EIF4ENIF1: variants seen among roughly 807,000 people sequenced by gnomAD.
The protein encoded by EIF4ENIF1 is eukaryotic translation initiation factor 4E transporter.
A neutral mutation model predicts 110.5 loss-of-function variants in EIF4ENIF1; 23 were observed. The ratio of observed to expected loss-of-function variants is 0.21; its 90% CI spans 0.15 to 0.29. The LOEUF (loss-of-function observed/expected upper bound fraction) is 0.29. EIF4ENIF1 is among the 10% of genes least tolerant of loss of function. The pLI is 1.00. For missense variants in EIF4ENIF1, 1,031 were observed against 1,221.1 expected (o/e 0.84, Z 2.32); for synonymous variants, 440 against 437.0 (o/e 1.01, Z -0.09).
intron 2 of EIF4ENIF1, among the ~76,000 whole-genome samples, chr22:31,486,147 G>A (rs2052014320): frequency 6.6e-6 from 1 of 152,106 alleles, no homozygotes; most frequent in South Asian, 2.1e-4. Context: ...GCACATGCCT[G>A]TAATCCCAGC....
At chr22:31,488,800 C>T in intron 1 of EIF4ENIF1, 55 bp from the exon 2 acceptor site, 1 of 1,532,562 alleles carries the variant, frequency 6.5e-7, no homozygotes, top group South Asian at 1.3e-5. Context: ...TTTCAGAAAT[C>T]TTGGCTGTTT....
At chr22:31,446,074 A>C (rs1016358496) in intron 14 of EIF4ENIF1, among the ~76,000 whole-genome samples, 7 of 150,752 alleles carry the variant, frequency 4.6e-5, no homozygotes, top group African/African-American at 1.7e-4. Flanking sequence ...GAATCACTTG[A>C]GGCCAGGAAT....
At chr22:31,479,321 A>G (rs1047123774) in intron 2 of EIF4ENIF1, 2 of 152,058 alleles carry the variant, frequency 1.3e-5, no homozygotes, top group Non-Finnish European at 2.9e-5. Flanking sequence ...TCGGCCTCCC[A>G]AAGTGTTAGG....
chr22:31,478,387 C>T (rs1244792455), intron 2 of EIF4ENIF1, among the ~76,000 whole-genome samples: 1 of 151,844 alleles, frequency 6.6e-6, no homozygotes, highest in East Asian at 1.9e-4. Context: ...GTGGTGGACA[C>T]CTGAAATCCC....
chr22:31,488,615 A>G lies in EIF4ENIF1; in HGVS notation c.96+8T>C, dbSNP rs1569112920. The stretch of plus-strand genomic sequence containing the variant: ...AAGAAACACTATTTCATTAGTGGCA[A>G]ACCTTACTTTTGTATAGCGATGGGG... On this transcript the variant is annotated splice_region_variant and intron_variant, in intron 2 of 18. Coordinates refer to ENST00000330125, the MANE Select transcript of EIF4ENIF1 (RefSeq NM_019843.4). The G allele has an allele frequency of 1.2e-6, 2 of 1,614,188 alleles. No individual in the cohort carries two copies. Among genetic ancestry groups the G allele is most frequent in the Non-Finnish European group, 1.7e-6 (2 of 1,180,028 alleles).
In EIF4ENIF1 at chr22:31,448,169, C is replaced by T. The variant is rs139470865; in HGVS notation, c.1832G>A (p.Ser611Asn). ...CAGCCTGACCTGGGCTGTGATGGGG[C>T]TCATGGGTTTGCGCATGCCTTGGAA... is the stretch of plus-strand genomic sequence containing the variant. ...DPFQGMRKPM[S>N]PITAQMSQLE... The change falls in exon 13 of 19, where the codon AGC becomes AAC. Residue 611 changes from serine (S) to asparagine (N), a missense_variant. By Grantham distance (46) the Ser-to-Asn change is conservative. This residue lies in a region of EIF4ENIF1 where 704 missense variants were observed against 879.7 expected (regional missense o/e 0.80). Transcript: ENST00000330125. 5.0e-6 allele frequency: 8 copies of T among 1,614,060 alleles called. No homozygotes were observed. The African/African-American group carries it at 5.3e-5, about 11-fold the overall frequency.
At chr22:31,455,648 T>C (rs1272686644) in intron 8 of EIF4ENIF1, among the ~76,000 whole-genome samples, 3 of 152,188 alleles carry the variant, frequency 2.0e-5, no homozygotes, top group African/African-American at 7.2e-5. Flanking sequence ...TCTGCCTGCC[T>C]TGGCCTCCCA....
At position 31,456,973 on chromosome 22, in the gene EIF4ENIF1, A is replaced by G. The variant is rs146809192; in HGVS notation, c.964-986T>C. On this transcript the variant is annotated intron_variant, in intron 7 of 18. Coordinates refer to ENST00000330125, the MANE Select transcript of EIF4ENIF1 (RefSeq NM_019843.4). ...AAGCTGATGAGTGACCTTCAACTAA[A>G]TATCAAGTATGGGGAACTGATGAAA... Among the ~76,000 whole-genome samples the G allele has an allele frequency of 1.7e-4, 26 of 152,348 alleles. No individual in the cohort carries two copies. In the East Asian group the frequency reaches 3.5e-3, roughly 20 times the overall value.
In EIF4ENIF1 at chr22:31,455,940, G is replaced by A; in HGVS notation, c.1011C>T (p.Phe337=). The change falls in exon 8 of 19, where the codon TTC becomes TTT. Residue 337 remains phenylalanine (F), a synonymous_variant. Coordinates refer to ENST00000330125, the MANE Select transcript of EIF4ENIF1 (RefSeq NM_019843.4). ...TGCTCGGGTTAGAGAACCACCTACT[G>A]AACCGACTGGCAGAGACTGACCCTT... The part of the protein sequence containing the change: ...LGEGSVSASR[F]SRWFSNPSRS... 4.3e-6 allele frequency: 7 copies of A among 1,614,072 alleles called. No individual in the cohort carries two copies. The highest frequency in any genetic ancestry group is 5.9e-6 in the Non-Finnish European group (7 of 1,179,984).
At chr22:31,466,321 G>A (rs968464673) in intron 4 of EIF4ENIF1, among the ~76,000 whole-genome samples, 3 of 152,058 alleles carry the variant, frequency 2.0e-5, no homozygotes, top group Non-Finnish European at 2.9e-5. Flanking sequence ...GCTGAGGCGC[G>A]ACAATCGCTT....
chr22:31,482,085 C>A (rs1012222536), intron 2 of EIF4ENIF1, among the ~76,000 whole-genome samples: 1 of 150,814 alleles, frequency 6.6e-6, no homozygotes, highest in South Asian at 2.1e-4. Flanking sequence ...GTGGAAGGAT[C>A]GCATGAATGC....
intron 16 of EIF4ENIF1, among the ~76,000 whole-genome samples, 169 bp from the exon 17 acceptor site, chr22:31,442,287 A>G (rs2050326263): frequency 6.6e-6 from 1 of 152,248 alleles, no homozygotes; most frequent in African/African-American, 2.4e-5. Flanking sequence ...AAACAGGACC[A>G]GAAGATGAAT....
chr22:31,467,845 G>A (rs2051242632), intron 4 of EIF4ENIF1, among the ~76,000 whole-genome samples: 1 of 151,830 alleles, frequency 6.6e-6, no homozygotes, highest in Non-Finnish European at 1.5e-5. Flanking sequence ...TTATACCGGA[G>A]GACTGGTCTC....
chr22:31,492,827 G>A (rs113671647), upstream of EIF4ENIF1, among the ~76,000 whole-genome samples: 11 of 152,216 alleles, frequency 7.2e-5, no homozygotes, highest in Non-Finnish European at 1.6e-4. Context: ...TGCCTCCCAG[G>A]TTCAAGTGAT....
intron 2 of EIF4ENIF1, among the ~76,000 whole-genome samples, chr22:31,474,208 C>A (rs1320834178): frequency 6.6e-6 from 1 of 152,116 alleles, no homozygotes. Flanking sequence ...CAGGCATGCA[C>A]CACCATGGCT....
In EIF4ENIF1 at chr22:31,442,069, A is replaced by G; in HGVS notation, c.2256T>C (p.Ser752=). 1 of 1,614,138 alleles carries G rather than the reference A, an allele frequency of 6.2e-7. No homozygotes were observed. Among genetic ancestry groups the G allele is most frequent in the Non-Finnish European group, 8.5e-7 (1 of 1,180,026 alleles). The change falls in exon 17 of 19, where the codon TCT becomes TCC. Residue 752 remains serine, a synonymous_variant. Coordinates refer to ENST00000330125, the MANE Select transcript of EIF4ENIF1 (RefSeq NM_019843.4). ...SSVPSADRDS[S]PTTNSKLSAL... Reference sequence around the variant, plus strand: ...CTGACAGTTTGGAATTTGTAGTGGGAGAAGAGTCTCGATCGGCACTGGGTA... The same window carrying G: ...CTGACAGTTTGGAATTTGTAGTGGGGGAAGAGTCTCGATCGGCACTGGGTA...
chr22:31,490,188 G>A (rs76857900), upstream of EIF4ENIF1, among the ~76,000 whole-genome samples: 3,681 of 152,364 alleles, frequency 0.024, 124 homozygotes, highest in Admixed American at 0.078. Context: ...GCGACTCGCG[G>A]CACGCCACTC....
intron 2 of EIF4ENIF1, among the ~76,000 whole-genome samples, chr22:31,482,015 G>GA (rs1422540115): frequency 2.6e-5 from 4 of 151,632 alleles, no homozygotes; most frequent in Non-Finnish European, 4.4e-5. Flanking sequence ...ACAAAGAAAT[G>GA]AAAAAATTAG....
chr22:31,450,909 C>T (rs1169907415), intron 10 of EIF4ENIF1: 1 of 156,448 alleles, frequency 6.4e-6, no homozygotes, highest in Non-Finnish European at 1.4e-5. Context: ...GAGACAGGGT[C>T]TTGTTCTGTT....
Sources: gnomAD v4.1 joint callset for allele counts (sites outside exome capture counted in the v4.1 genomes callset) on GRCh38, gnomAD v4.1.1 for gene constraint, gnomAD v4.1.1 regional missense constraint, MANE v1.5 for transcripts, NCBI Gene and HGNC (gene_info 2026-07-23, HGNC 2026-07-21) for gene names.